CRIM1: variants seen among roughly 807,000 people sequenced by gnomAD.
The protein encoded by CRIM1 is cysteine-rich motor neuron 1 protein.
In CRIM1, 32 loss-of-function variants were observed where a neutral mutation model predicts 116.4. The observed-to-expected ratio is 0.27, with a 90% confidence interval of 0.21 to 0.37. The LOEUF (loss-of-function observed/expected upper bound fraction) is 0.37, where lower values mean the gene tolerates loss of function less well. CRIM1 is among the 10% of genes least tolerant of loss of function. CRIM1 has a pLI of 1.00. For missense variants in CRIM1, 1,331 were observed against 1,354.8 expected, an observed-to-expected ratio of 0.98 and a Z score of 0.28; for synonymous variants, 590 against 509.2, an observed-to-expected ratio of 1.16 and a Z score of -2.13.
rs1306302358 is a variant in CRIM1 at position 36,356,910 on chromosome 2, C to T, written c.331+287C>T. Among the ~76,000 whole-genome samples, 2 of 152,096 alleles carry T rather than the reference C, an allele frequency of 1.3e-5. No homozygotes were observed. The highest frequency in any genetic ancestry group is 6.5e-5 in the Admixed American group (1 of 15,278). ...ACGCGCACACGTGTGGCCGTTCCTGCTGGGACTGGGTGGCCCGGCCTTGCT... is the reference window on the plus strand; with the variant it reads ...ACGCGCACACGTGTGGCCGTTCCTGTTGGGACTGGGTGGCCCGGCCTTGCT... On this transcript the variant is annotated intron_variant, in intron 1 of 16. Coordinates refer to ENST00000280527, the MANE Select transcript of CRIM1 (RefSeq NM_016441.3). This position sits in a 1 kb window ranked among gnomAD's most constrained non-coding sequence, Gnocchi z 4.3.
chr2:36,544,458 GC>G lies in CRIM1; in HGVS notation c.2709del (p.Thr904ArgfsTer19). Reference protein sequence around the residue: ...GEVDLEVPLWPTPSENDIVHL... With the variant: ...GEVDLEVPLWXTPSENDIVHL... The stretch of plus-strand genomic sequence containing the variant: ...AGGTTGACCTGGAGGTTCCCCTGTG[GC>G]CCACGCCTAGTGAAAATGATATCGT... On this transcript the variant is annotated frameshift_variant, in exon 15 of 17. Coordinates refer to ENST00000280527, the MANE Select transcript of CRIM1 (RefSeq NM_016441.3). LOFTEE classifies it high-confidence loss of function. 1 of 1,406,322 alleles carries G rather than the reference GC, an allele frequency of 7.1e-7. No homozygotes were observed. 87.1% of individuals were successfully genotyped at this position (1,406,322 alleles called of 1,614,324 possible).
At chr2:36,546,188 T>G (rs1454086614) in intron 15 of CRIM1, among the ~76,000 whole-genome samples, 7 of 152,182 alleles carry the variant, frequency 4.6e-5, no homozygotes, top group Admixed American at 3.9e-4. Context: ...TTAGAAAACC[T>G]GACTACAATG....
chr2:36,481,634 T>A (rs1458312773), intron 7 of CRIM1, among the ~76,000 whole-genome samples: 1 of 152,212 alleles, frequency 6.6e-6, no homozygotes, highest in Non-Finnish European at 1.5e-5. Flanking sequence ...CCAATTTCAT[T>A]TAACCTTCAG....
chr2:36,549,560 G>T lies in CRIM1; in HGVS notation c.*859G>T, dbSNP rs535579425. 6.6e-6 allele frequency: 1 copy of T among 152,270 alleles called. No individual in the cohort carries two copies. The highest frequency in any genetic ancestry group is 2.1e-4 in the South Asian group (1 of 4,814). The allele number at this position is 152,270 out of a possible 1,614,324, so 9.4% of individuals were successfully genotyped here. A position where few individuals can be genotyped will look rare whatever the true frequency, so the allele number is the denominator to read the frequency against. On this transcript the variant is annotated 3_prime_UTR_variant, in exon 17 of 17. Transcript: ENST00000280527. ...CAGGGGCTATATTTCACTGTTTGTT[G>T]TTGCTTTGTTCTGTTATATTGTTGG... is the stretch of plus-strand genomic sequence containing the variant.
chr2:36,381,552 G>T (rs573021241), intron 1 of CRIM1, among the ~76,000 whole-genome samples: 1 of 152,356 alleles, frequency 6.6e-6, no homozygotes, highest in African/African-American at 2.4e-5. Flanking sequence ...GAAAAGGAAT[G>T]TCCAGTGACT....
At chr2:36,478,123 A>G (rs1679127593) in intron 6 of CRIM1, among the ~76,000 whole-genome samples, 1 of 152,226 alleles carries the variant, frequency 6.6e-6, no homozygotes, top group Non-Finnish European at 1.5e-5. Context: ...TATTTGAGCA[A>G]TATTTACAAC....
intron 5 of CRIM1, among the ~76,000 whole-genome samples, chr2:36,474,854 A>AAAAAAAAAAAAG (rs1678833278): frequency 7.1e-6 from 1 of 141,722 alleles, no homozygotes; most frequent in African/African-American, 2.8e-5. Flanking sequence ...TATCAAAAAA[A>AAAAAAAAAAAAG]AAAAAAAAAA....
rs202109107 is a variant in CRIM1 at position 36,499,254 on chromosome 2, G to A, written c.1408G>A (p.Gly470Arg). The change falls in exon 8 of 17, where the codon GGG (glycine) becomes AGG (arginine). Residue 470 changes from glycine (G) to arginine (R), a missense_variant. Physicochemically the swap from Gly to Arg is moderately radical, Grantham distance 125. Coordinates refer to ENST00000280527, the MANE Select transcript of CRIM1 (RefSeq NM_016441.3). ...TIITVDPPACGELSNCTLTGK... is the reference protein window; with the variant it reads ...TIITVDPPACRELSNCTLTGK... ...CATCACAGTTGATCCACCTGCATGT[G>A]GGGAGTTATCAAACTGCACTCTGAC... is the stretch of plus-strand genomic sequence containing the variant. 40 of 1,612,398 alleles carry A rather than the reference G, an allele frequency of 2.5e-5. 1 individual carries two copies. The East Asian group carries it at 8.9e-4, about 36-fold the overall frequency.
chr2:36,521,444 A>C (rs1332178912), intron 12 of CRIM1, among the ~76,000 whole-genome samples: 1 of 152,212 alleles, frequency 6.6e-6, no homozygotes, highest in Admixed American at 6.5e-5. Context: ...GCCACAAGTA[A>C]GAGAAAATCC....
chr2:36,380,317 C>T (rs1420468434), intron 1 of CRIM1, among the ~76,000 whole-genome samples: 1 of 152,162 alleles, frequency 6.6e-6, no homozygotes, highest in African/African-American at 2.4e-5. Flanking sequence ...GAGTGGTACT[C>T]TTGTGTCAGA....
chr2:36,519,835 A>G (rs1665261017), intron 12 of CRIM1, among the ~76,000 whole-genome samples: 1 of 152,200 alleles, frequency 6.6e-6, no homozygotes, highest in South Asian at 2.1e-4. Context: ...GTAAAATAGC[A>G]CTTGTTTCTT....
chr2:36,377,283 T>C (rs1461201618), intron 1 of CRIM1, among the ~76,000 whole-genome samples: 1 of 152,250 alleles, frequency 6.6e-6, no homozygotes, highest in Admixed American at 6.5e-5. Flanking sequence ...CCCACCTGTA[T>C]GACTAGCACA....
intron 8 of CRIM1, among the ~76,000 whole-genome samples, chr2:36,507,911 T>C (rs1681543535): frequency 1.3e-5 from 2 of 152,242 alleles, no homozygotes; most frequent in Admixed American, 1.3e-4. Context: ...GGATGTTGAC[T>C]GACTCTGGGA....
intron 2 of CRIM1, among the ~76,000 whole-genome samples, chr2:36,417,997 G>A (rs1381588139): frequency 6.6e-6 from 1 of 152,186 alleles, no homozygotes; most frequent in African/African-American, 2.4e-5. Flanking sequence ...GGTGGGTGGA[G>A]GAGAATTGTG....
chr2:36,459,399 G>A (rs572718723), intron 4 of CRIM1, among the ~76,000 whole-genome samples: 1 of 152,212 alleles, frequency 6.6e-6, no homozygotes, highest in South Asian at 2.1e-4. Context: ...ACAATACATG[G>A]TCTAACCCCT....
chr2:36,492,803 T>G (rs1271036439), intron 7 of CRIM1, among the ~76,000 whole-genome samples: 1 of 152,164 alleles, frequency 6.6e-6, no homozygotes, highest in Admixed American at 6.5e-5. Context: ...TTCCTACTCA[T>G]TGGATATTCA....
chr2:36,501,655 G>A (rs1244016670), intron 8 of CRIM1, among the ~76,000 whole-genome samples: 3 of 152,142 alleles, frequency 2.0e-5, no homozygotes, highest in Admixed American at 6.5e-5. Context: ...TCGGGAAGTC[G>A]AGGCCGCAGC....
At chr2:36,388,192 A>G (rs991321024) in intron 1 of CRIM1, among the ~76,000 whole-genome samples, 3 of 152,216 alleles carry the variant, frequency 2.0e-5, no homozygotes, top group Non-Finnish European at 4.4e-5. Context: ...TTGTCAGTTC[A>G]TAGCCAATCC....
intron 8 of CRIM1, among the ~76,000 whole-genome samples, chr2:36,507,434 A>C (rs774796281): frequency 3.9e-5 from 6 of 152,242 alleles, no homozygotes; most frequent in Non-Finnish European, 5.9e-5. Context: ...TGATGCATTT[A>C]GTTAGCAAAT....
Sources: gnomAD v4.1 joint callset for allele counts (sites outside exome capture counted in the v4.1 genomes callset) on GRCh38, gnomAD v4.1.1 for gene constraint, Gnocchi (gnomAD v3.1) non-coding constraint, MANE v1.5 for transcripts, NCBI Gene and HGNC (gene_info 2026-07-23, HGNC 2026-07-21) for gene names.